MET: variants seen among roughly 807,000 people sequenced by gnomAD.
MET encodes hepatocyte growth factor receptor.
MET carries 48 observed loss-of-function variants against 133.1 expected under a neutral mutation model. The ratio of observed to expected loss-of-function variants is 0.36; its 90% confidence interval spans 0.29 to 0.46. The LOEUF is 0.46. Ranked by LOEUF, MET falls within the 20% of genes least tolerant of loss-of-function variation. MET has a pLI of 1.00. For synonymous variants in MET, 628 were observed against 616.5 expected, an observed-to-expected ratio of 1.02 and a Z score of -0.28; for missense variants, 1,442 against 1,695.9, an observed-to-expected ratio of 0.85 and a Z score of 2.63.
At position 116,797,323 on chromosome 7, in the gene MET, G is replaced by A. The variant is rs181818408; in HGVS notation, c.*1199G>A. On this transcript the variant is annotated 3_prime_UTR_variant, in exon 21 of 21. Transcript: ENST00000397752. ...TAGGTAGAGCAAAGAAAGGGTGGAT[G>A]GATTGAAAAGATTAGCCTCTGTCTC... is the stretch of plus-strand genomic sequence containing the variant. 1 of 226,690 alleles carries A rather than the reference G, an allele frequency of 4.4e-6. No individual in the cohort carries two copies. Among genetic ancestry groups the A allele is most frequent in the Non-Finnish European group, 8.7e-6 (1 of 114,370 alleles). 14.0% of individuals were successfully genotyped at this position (226,690 alleles called of 1,614,324 possible). A position where few individuals can be genotyped will look rare whatever the true frequency, so the allele number is the denominator to read the frequency against.
At chr7:116,783,266 A>T (rs115240747) in intron 18 of MET, 38 bp from the exon 19 acceptor site, 1 of 1,612,658 alleles carries the variant, frequency 6.2e-7, no homozygotes, top group South Asian at 1.1e-5. Context: ...AAATTATTCT[A>T]TTTCAGCCAC....
chr7:116,754,233 G>A lies in MET; in HGVS notation c.1702-1122G>A, dbSNP rs139923707. On this transcript the variant is annotated intron_variant, in intron 5 of 20. Transcript: ENST00000397752. Reference sequence around the variant, plus strand: ...CTATATGTTTCATATTATGCTAGCTGCTGAATGCAACTGGGCAAACACTGG... The same window carrying A: ...CTATATGTTTCATATTATGCTAGCTACTGAATGCAACTGGGCAAACACTGG... Among the ~76,000 whole-genome samples the A allele has an allele frequency of 2.6e-4, 39 of 152,320 alleles. No homozygotes were observed. In the East Asian group the frequency reaches 6.6e-3, roughly 26 times the overall value.
At chr7:116,759,143 A>G (rs1794300421) in intron 9 of MET, among the ~76,000 whole-genome samples, 1 of 152,168 alleles carries the variant, frequency 6.6e-6, no homozygotes, top group Non-Finnish European at 1.5e-5. Context: ...CAGAGGTGAA[A>G]TATTTATTTT....
rs182191423 is a variant in MET at position 116,746,014 on chromosome 7, T to A, written c.1701+4989T>A. ...AGGCAACCTACAGAATGGGAGAAAA[T>A]TTTTGCAATCTACTCATCTGACAAA... On this transcript the variant is annotated intron_variant, in intron 5 of 20. Coordinates refer to ENST00000397752, the MANE Select transcript of MET (RefSeq NM_000245.4). Among the ~76,000 whole-genome samples, 34 of 152,012 alleles carry A rather than the reference T, an allele frequency of 2.2e-4. No individual in the cohort carries two copies. The East Asian group carries it at 6.6e-3, about 29-fold the overall frequency.
At chr7:116,739,898 A>C in intron 3 of MET, 52 bp from the exon 4 acceptor site, 1 of 1,613,168 alleles carries the variant, frequency 6.2e-7, no homozygotes. Context: ...TTCCACTTAT[A>C]TTTAAACTGA....
chr7:116,739,090 G>C (rs768262313), intron 3 of MET, among the ~76,000 whole-genome samples: 1 of 152,138 alleles, frequency 6.6e-6, no homozygotes, highest in African/African-American at 2.4e-5. Context: ...AAGAGTGAAA[G>C]TTTCTCTGAG....
intron 2 of MET, chr7:116,724,625 C>T (rs565033466): frequency 1.2e-4 from 52 of 419,738 alleles, no homozygotes; most frequent in African/African-American, 8.1e-4. Flanking sequence ...ACATCCCAAG[C>T]AATGATTTGT....
chr7:116,735,542 A>C (rs1476486510), intron 3 of MET, among the ~76,000 whole-genome samples: 1 of 152,136 alleles, frequency 6.6e-6, no homozygotes, highest in Non-Finnish European at 1.5e-5. Flanking sequence ...TGTAGTATGC[A>C]TCATGTTTGG....
Position 116,740,721 on chromosome 7 carries a change from G to T in MET, c.1528-131G>T, listed in dbSNP as rs924856510. The T allele has an allele frequency of 1.3e-4, 145 of 1,092,144 alleles. No individual in the cohort carries two copies. In the Middle Eastern group the frequency reaches 2.0e-3, roughly 15 times the overall value. The allele number at this position is 1,092,144 out of a possible 1,614,324, so 67.7% of individuals were successfully genotyped here. A position where few individuals can be genotyped will look rare whatever the true frequency, so the allele number is the denominator to read the frequency against. On this transcript the variant is annotated intron_variant, in intron 4 of 20. Transcript: ENST00000397752. ...TTTAATCACCGTTATGACAGGATTT[G>T]CACACATAGTTGCTAAGTCTAGAAA... is the stretch of plus-strand genomic sequence containing the variant.
chr7:116,697,101 C>A (rs1445305898), intron 1 of MET, among the ~76,000 whole-genome samples: 1 of 152,184 alleles, frequency 6.6e-6, no homozygotes, highest in African/African-American at 2.4e-5. Context: ...TGGTTAAAAC[C>A]AATCTACCAT....
chr7:116,777,129 T>C (rs1795017707), intron 15 of MET, among the ~76,000 whole-genome samples: 1 of 152,254 alleles, frequency 6.6e-6, no homozygotes, highest in Admixed American at 6.5e-5. Context: ...GGCTTTAATA[T>C]GAGTCATATC....
chr7:116,744,990 T>C (rs1793611855), intron 5 of MET, among the ~76,000 whole-genome samples: 1 of 152,184 alleles, frequency 6.6e-6, no homozygotes, highest in Non-Finnish European at 1.5e-5. Context: ...AGTCAAATTG[T>C]CCCTGTTTGC....
chr7:116,696,732 T>C (rs1562881467), intron 1 of MET, among the ~76,000 whole-genome samples: 1 of 152,240 alleles, frequency 6.6e-6, no homozygotes, highest in Non-Finnish European at 1.5e-5. Flanking sequence ...ATCACCTCTG[T>C]GCAGATAATG....
At chr7:116,733,181 T>C (rs759372620) in intron 3 of MET, among the ~76,000 whole-genome samples, 14 of 152,192 alleles carry the variant, frequency 9.2e-5, no homozygotes, top group Non-Finnish European at 2.1e-4. Flanking sequence ...TCATATCTAT[T>C]ATGTGTAAAA....
chr7:116,728,291 A>G (rs768053811), intron 2 of MET, among the ~76,000 whole-genome samples: 8 of 152,070 alleles, frequency 5.3e-5, no homozygotes, highest in Non-Finnish European at 1.2e-4. Flanking sequence ...TATATTTACA[A>G]ATTTTATTTG....
At chr7:116,785,792 A>G (rs1795293449) in intron 19 of MET, among the ~76,000 whole-genome samples, 1 of 152,212 alleles carries the variant, frequency 6.6e-6, no homozygotes, top group Non-Finnish European at 1.5e-5. Context: ...GTATTTACCA[A>G]GGAATTGATA....
At position 116,699,110 on chromosome 7, in the gene MET, C is replaced by T. The variant is rs1355886011; in HGVS notation, c.26C>T (p.Pro9Leu). The T allele has an allele frequency of 1.9e-6, 3 of 1,613,864 alleles. No individual in the cohort carries two copies. Among genetic ancestry groups the T allele is most frequent in the Admixed American group, 1.7e-5 (1 of 59,974 alleles). The change falls in exon 2 of 21, where the codon CCT becomes CTT. Residue 9 changes from proline to leucine, a missense_variant. This residue lies in a region of MET where 762 missense variants were observed against 792.4 expected (regional missense o/e 0.96). Coordinates refer to ENST00000397752, the MANE Select transcript of MET (RefSeq NM_000245.4). ...ATGAAGGCCCCCGCTGTGCTTGCAC[C>T]TGGCATCCTCGTGCTCCTGTTTACC... is the stretch of plus-strand genomic sequence containing the variant. MKAPAVLA[P>L]GILVLLFTLV...
intron 2 of MET, among the ~76,000 whole-genome samples, chr7:116,719,795 G>A (rs1350675858): frequency 1.3e-5 from 2 of 151,938 alleles, no homozygotes; most frequent in Non-Finnish European, 1.5e-5. Flanking sequence ...AGATCAGATA[G>A]TTGTAGATAT....
At chr7:116,745,103 G>A (rs1330356892) in intron 5 of MET, among the ~76,000 whole-genome samples, 1 of 152,122 alleles carries the variant, frequency 6.6e-6, no homozygotes, top group African/African-American at 2.4e-5. Context: ...AATTCAATGT[G>A]CAAAAATCAC....
Sources: gnomAD v4.1 joint callset for allele counts (sites outside exome capture counted in the v4.1 genomes callset) on GRCh38, gnomAD v4.1.1 for gene constraint, gnomAD v4.1.1 regional missense constraint, MANE v1.5 for transcripts, NCBI Gene and HGNC (gene_info 2026-07-23, HGNC 2026-07-21) for gene names.